TAOK3: variants seen among roughly 807,000 people sequenced by gnomAD.
TAOK3 encodes the protein serine/threonine-protein kinase TAO3.
A neutral mutation model predicts 120.4 loss-of-function variants in TAOK3; 40 were observed. The ratio of observed to expected loss-of-function variants is 0.33; its 90% CI spans 0.26 to 0.43. TAOK3 has a LOEUF of 0.43. Ranked by LOEUF, TAOK3 falls within the 20% of genes least tolerant of loss-of-function variation. The pLI is 1.00. For missense variants in TAOK3, 821 were observed against 1,112.1 expected (o/e 0.74, Z 3.72); for synonymous variants, 355 against 387.5 (o/e 0.92, Z 0.99).
At chr12:118,165,769 A>C (rs939233905) in intron 17 of TAOK3, among the ~76,000 whole-genome samples, 2 of 152,250 alleles carry the variant, frequency 1.3e-5, no homozygotes, top group African/African-American at 4.8e-5. Flanking sequence ...TTCAGAATAC[A>C]TAAATGTCAT....
rs1037405647 is a variant in TAOK3 at position 118,202,181 on chromosome 12, TATA to T, written c.820-721_820-719del. 1.7e-3 allele frequency among the ~76,000 whole-genome samples: 259 copies of T among 149,046 alleles called. 2 individuals are homozygous for T. Among genetic ancestry groups the T allele is most frequent in the African/African-American group, 5.9e-3 (241 of 40,998 alleles). Reference sequence around the variant, plus strand: ...AATAAACAAATATATAATAAATATATATAATAAAATATTCAGTCATATATATTA... The same window carrying T: ...AATAAACAAATATATAATAAATATATATAAAATATTCAGTCATATATATTA... On this transcript the variant is annotated intron_variant, in intron 11 of 20. Coordinates refer to ENST00000392533, the MANE Select transcript of TAOK3 (RefSeq NM_016281.4).
chr12:118,209,697 CTCT>C (rs995139805), intron 11 of TAOK3, among the ~76,000 whole-genome samples: 24 of 145,294 alleles, frequency 1.7e-4, no homozygotes, highest in Non-Finnish European at 2.5e-4. Flanking sequence ...TTGCACCCGG[CTCT>C]TCTTCTTCTT....
intron 1 of TAOK3, among the ~76,000 whole-genome samples, chr12:118,310,100 TG>T (rs1220259706): frequency 6.6e-6 from 1 of 151,952 alleles, no homozygotes; most frequent in African/African-American, 2.4e-5. Context: ...CTGAATAACA[TG>T]GCAAAACCCA....
chr12:118,208,790 C>T (rs1419710473), intron 11 of TAOK3, among the ~76,000 whole-genome samples: 2 of 152,146 alleles, frequency 1.3e-5, no homozygotes, highest in African/African-American at 2.4e-5. Flanking sequence ...CGGCTCACTG[C>T]AAACTTCGCC....
At chr12:118,247,047 A>T (rs1016441776) in intron 3 of TAOK3, 4 of 657,436 alleles carry the variant, frequency 6.1e-6, no homozygotes, top group Non-Finnish European at 1.0e-5. Context: ...TATATCAGTG[A>T]TAATCCCTGG....
At chr12:118,276,483 C>T (rs546150887) in intron 1 of TAOK3, among the ~76,000 whole-genome samples, 3 of 152,134 alleles carry the variant, frequency 2.0e-5, no homozygotes, top group South Asian at 2.1e-4. Context: ...GGGCAGATCA[C>T]GAGGTCAGGA....
At chr12:118,217,108 C>G (rs2038946675) in intron 9 of TAOK3, among the ~76,000 whole-genome samples, 1 of 151,976 alleles carries the variant, frequency 6.6e-6, no homozygotes, top group African/African-American at 2.4e-5. Flanking sequence ...TTCTATTAAC[C>G]ACTTCTAAAA....
intron 8 of TAOK3, among the ~76,000 whole-genome samples, chr12:118,234,565 G>C (rs1322948586): frequency 6.6e-6 from 1 of 151,834 alleles, no homozygotes; most frequent in Non-Finnish European, 1.5e-5. Flanking sequence ...TGTTGTTGTT[G>C]AGAGTCTTAC....
chr12:118,176,786 G>A (rs1337637466), intron 16 of TAOK3, among the ~76,000 whole-genome samples: 1 of 150,532 alleles, frequency 6.6e-6, no homozygotes, highest in East Asian at 1.9e-4. Flanking sequence ...TTTTTTTTGA[G>A]ACAGAGTTTT....
At chr12:118,303,914 T>A (rs566884043) in intron 1 of TAOK3, among the ~76,000 whole-genome samples, 1 of 152,320 alleles carries the variant, frequency 6.6e-6, no homozygotes, top group African/African-American at 2.4e-5. Context: ...TCCCAAAGTG[T>A]TGGGATTACA....
intron 1 of TAOK3, chr12:118,359,804 TA>T (rs1448888302): frequency 6.6e-6 from 1 of 152,162 alleles, no homozygotes; most frequent in Non-Finnish European, 1.5e-5. Flanking sequence ...AAAGGAGATT[TA>T]AGATTGGCAC....
intron 3 of TAOK3, chr12:118,246,109 G>T (rs1031991160): frequency 9.7e-6 from 13 of 1,333,530 alleles, no homozygotes; most frequent in Admixed American, 2.5e-5. Flanking sequence ...GGTGCAGCGG[G>T]GGGGCACGGA....
At chr12:118,265,766 C>G (rs1183115181) in intron 2 of TAOK3, among the ~76,000 whole-genome samples, 1 of 152,106 alleles carries the variant, frequency 6.6e-6, no homozygotes, top group Non-Finnish European at 1.5e-5. Context: ...GCAAAAGAGG[C>G]AAGGCATAAT....
intron 7 of TAOK3, among the ~76,000 whole-genome samples, chr12:118,237,801 T>C (rs2040077627): frequency 6.6e-6 from 1 of 152,164 alleles, no homozygotes; most frequent in Non-Finnish European, 1.5e-5. Flanking sequence ...TATCTAAAGA[T>C]TGGTGGGCCC....
chr12:118,178,582 C>T (rs1233785426), intron 15 of TAOK3, among the ~76,000 whole-genome samples: 1 of 152,126 alleles, frequency 6.6e-6, no homozygotes, highest in African/African-American at 2.4e-5. Flanking sequence ...CTCAGCCTCC[C>T]CAGTAGCTGG....
intron 1 of TAOK3, among the ~76,000 whole-genome samples, chr12:118,338,683 A>G (rs902823500): frequency 1.4e-5 from 2 of 146,092 alleles, no homozygotes; most frequent in Non-Finnish European, 3.0e-5. Flanking sequence ...GCTACTCAGG[A>G]GGCTGAGGCA....
intron 19 of TAOK3, among the ~76,000 whole-genome samples, chr12:118,159,190 G>T (rs1004531387): frequency 6.6e-6 from 1 of 152,010 alleles, no homozygotes; most frequent in East Asian, 1.9e-4. Context: ...TCAAGGAATC[G>T]GTTTATGTCA....
At chr12:118,266,461 C>T (rs1035145396) in intron 2 of TAOK3, among the ~76,000 whole-genome samples, 194 bp downstream of exon 2, 5 of 152,088 alleles carry the variant, frequency 3.3e-5, no homozygotes, top group African/African-American at 1.2e-4. Context: ...CTCAGCCTCC[C>T]AAAGTGCTGG....
chr12:118,265,456 A>G (rs1199262768), intron 2 of TAOK3, among the ~76,000 whole-genome samples: 3 of 151,826 alleles, frequency 2.0e-5, no homozygotes, highest in African/African-American at 7.2e-5. Context: ...ACACACATAC[A>G]CTTACCTACA....
Sources: gnomAD v4.1 joint callset for allele counts (sites outside exome capture counted in the v4.1 genomes callset) on GRCh38, gnomAD v4.1.1 for gene constraint, MANE v1.5 for transcripts, NCBI Gene and HGNC (gene_info 2026-07-23, HGNC 2026-07-21) for gene names.